SERPINB11: variants seen among roughly 807,000 people sequenced by gnomAD.
SERPINB11 encodes serpin family B member 11.
In SERPINB11, 32 loss-of-function variants were observed where a neutral mutation model predicts 36.7. That is an observed-to-expected ratio of 0.87 (90% CI 0.66 to 1.17). The LOEUF (loss-of-function observed/expected upper bound fraction) is 1.17. SERPINB11 is among the 50% of genes most tolerant of loss of function. The pLI is 0.00. For missense variants in SERPINB11, 528 were observed against 458.4 expected (o/e 1.15, Z -1.39); for synonymous variants, 174 against 168.1 (o/e 1.04, Z -0.27).
At position 63,712,600 on chromosome 18, in the gene SERPINB11, T is replaced by A. The variant is rs757364574; in HGVS notation, c.264T>A (p.Gly88=). ...CTGGAAGAATTCATTCCGAGTTTGGTGTCGAATTCTCTCAAATCAACCAGC... is the reference window on the plus strand; with the variant it reads ...CTGGAAGAATTCATTCCGAGTTTGGAGTCGAATTCTCTCAAATCAACCAGC... The part of the protein sequence containing the change: ...SQAGRIHSEF[G]VEFSQINQPD... Residue 88 remains glycine (G), a synonymous_variant, in exon 4 of 8, where the codon GGT becomes GGA. Coordinates refer to ENST00000544088, the MANE Select transcript of SERPINB11 (RefSeq NM_001370475.1). 6.2e-7 allele frequency: 1 copy of A among 1,613,700 alleles called. No individual in the cohort carries two copies. The highest frequency in any genetic ancestry group is 8.5e-7 in the Non-Finnish European group (1 of 1,179,674).
chr18:63,721,003 G>T lies in SERPINB11; in HGVS notation c.774+17G>T. ...CTGAAACAGGTAAAATTATAAGAAT[G>T]CTATAATGCAGTTAAAGCATGTGTG... On this transcript the variant is annotated intron_variant, in intron 7 of 7. Transcript: ENST00000544088. 6.3e-7 allele frequency: 1 copy of T among 1,595,346 alleles called. No individual in the cohort carries two copies. The highest frequency in any genetic ancestry group is 8.6e-7 in the Non-Finnish European group (1 of 1,169,168).
chr18:63,721,405 C>A (rs2144551491), intron 7 of SERPINB11, among the ~76,000 whole-genome samples: 1 of 152,326 alleles, frequency 6.6e-6, no homozygotes, highest in South Asian at 2.1e-4. Context: ...CCATTTTTAA[C>A]ATCTCAGTTT....
rs1279370581 is a variant in SERPINB11 at position 63,706,227 on chromosome 18, A to G, written c.-16+3221A>G. ...GATTACAGGATTTGTGAATTTTCCT[A>G]TATAAATGTCATGGGTCATTATTTT... On this transcript the variant is annotated intron_variant, in intron 1 of 7. Transcript: ENST00000544088. 3.3e-5 allele frequency among the ~76,000 whole-genome samples: 5 copies of G among 152,220 alleles called. No homozygotes were observed. In the East Asian group the frequency reaches 9.6e-4, roughly 29 times the overall value.
At position 63,710,171 on chromosome 18, in the gene SERPINB11, G is replaced by C. The variant is rs367562916; in HGVS notation, c.-15-8G>C. The C allele has an allele frequency of 6.2e-5, 98 of 1,591,112 alleles. No homozygotes were observed. Among genetic ancestry groups the C allele is most frequent in the Non-Finnish European group, 8.2e-5 (96 of 1,169,284 alleles). ...ATGTTCTGAGAATTTTTTCCCTTCT[G>C]TTCTCAGGCAGTCGGCATAAAAATG... On this transcript the variant is annotated splice_polypyrimidine_tract_variant and splice_region_variant and intron_variant, in intron 1 of 7. Transcript: ENST00000544088.
At chr18:63,709,504 G>C (rs888648966) in intron 1 of SERPINB11, among the ~76,000 whole-genome samples, 3 of 151,928 alleles carry the variant, frequency 2.0e-5, no homozygotes, top group African/African-American at 7.2e-5. Flanking sequence ...CCAGCTACTC[G>C]GGAGGCTGAG....
chr18:63,722,261 G>A (rs17071604), intron 7 of SERPINB11, among the ~76,000 whole-genome samples: 56,735 of 152,126 alleles, frequency 0.37, 11,474 homozygotes, highest in East Asian at 0.63. Context: ...GGCAGTAGTT[G>A]TCAAAACTGT....
chr18:63,708,741 G>A (rs7235427), intron 1 of SERPINB11, among the ~76,000 whole-genome samples: 30,759 of 152,006 alleles, frequency 0.2, 4,116 homozygotes, highest in East Asian at 0.4. Flanking sequence ...GCATAAATGT[G>A]GGAGCTAATA....
intron 5 of SERPINB11, among the ~76,000 whole-genome samples, chr18:63,716,494 A>G (rs886119667): frequency 7.2e-5 from 11 of 152,300 alleles, no homozygotes; most frequent in South Asian, 4.2e-4. Context: ...GAAAAATTTA[A>G]GGATATACAA....
chr18:63,707,350 A>G, intron 1 of SERPINB11, among the ~76,000 whole-genome samples: 1 of 152,190 alleles, frequency 6.6e-6, no homozygotes, highest in Admixed American at 6.5e-5. Flanking sequence ...AGGTGACATG[A>G]AGACCCAACT....
intron 7 of SERPINB11, among the ~76,000 whole-genome samples, chr18:63,721,531 C>T (rs1914813202): frequency 6.6e-6 from 1 of 152,234 alleles, no homozygotes; most frequent in Non-Finnish European, 1.5e-5. Flanking sequence ...GCAGGCTGTG[C>T]TTCTAACAGC....
intron 4 of SERPINB11, among the ~76,000 whole-genome samples, chr18:63,713,185 G>A (rs926379994): frequency 1.3e-5 from 2 of 152,092 alleles, no homozygotes; most frequent in African/African-American, 4.8e-5. Flanking sequence ...CACCATTTAT[G>A]CCCTTTCCCA....
intron 4 of SERPINB11, among the ~76,000 whole-genome samples, 200 bp downstream of exon 4, chr18:63,712,893 C>T (rs904952943): frequency 1.3e-5 from 2 of 152,176 alleles, no homozygotes; most frequent in Non-Finnish European, 2.9e-5. Flanking sequence ...ATGACTTCTT[C>T]AAGATCCCTA....
rs1914463525 is a variant in SERPINB11 at position 63,709,616 on chromosome 18, T to TATAAAATAAAATAAAATAAAATA, written c.-15-562_-15-561insTAAAATAAAATAAAATAAAATAA. On this transcript the variant is annotated intron_variant, in intron 1 of 7. Transcript: ENST00000544088. Reference sequence around the variant, plus strand: ...ACAGAGCGAGATTCTGTCTCAAAAATAAATAAAATAAAATAAAATAAAATA... The same window carrying TATAAAATAAAATAAAATAAAATA: ...ACAGAGCGAGATTCTGTCTCAAAAATATAAAATAAAATAAAATAAAATAAAATAAAATAAAATAAAATAAAATA... 2.1e-5 allele frequency among the ~76,000 whole-genome samples: 3 copies of TATAAAATAAAATAAAATAAAATA among 143,450 alleles called. No homozygotes were observed. In the South Asian group the frequency reaches 6.7e-4, roughly 32 times the overall value. The allele number at this position is 143,450 out of a possible 152,430, so 94.1% of individuals were successfully genotyped here. A position where few individuals can be genotyped will look rare whatever the true frequency, so the allele number is the denominator to read the frequency against.
At chr18:63,714,391 G>A (rs532724402) in intron 4 of SERPINB11, among the ~76,000 whole-genome samples, 129 of 152,250 alleles carry the variant, frequency 8.5e-4, no homozygotes, top group African/African-American at 3.1e-3. Flanking sequence ...TATCTTATCA[G>A]GAGGCAGGGT....
At position 63,711,277 on chromosome 18, in the gene SERPINB11, C is replaced by T. The variant is rs1011691054; in HGVS notation, c.169-58C>T. ...AAAAATAGATACTTACAACTGTCAA[C>T]CTTTATAGACTGTACATTGCTTCTG... is the stretch of plus-strand genomic sequence containing the variant. On this transcript the variant is annotated intron_variant, in intron 2 of 7. Coordinates refer to ENST00000544088, the MANE Select transcript of SERPINB11 (RefSeq NM_001370475.1). 3.2e-5 allele frequency: 38 copies of T among 1,171,218 alleles called. No individual in the cohort carries two copies. In the African/African-American group the frequency reaches 4.9e-4, roughly 15 times the overall value. The allele number at this position is 1,171,218 out of a possible 1,614,324, so 72.6% of individuals were successfully genotyped here.
At chr18:63,710,789 T>C (rs969728601) in intron 2 of SERPINB11, among the ~76,000 whole-genome samples, 3 of 152,244 alleles carry the variant, frequency 2.0e-5, no homozygotes, top group African/African-American at 7.2e-5. Flanking sequence ...ATCCACACTT[T>C]ATGGATTGAA....
chr18:63,722,953 T>C, intron 7 of SERPINB11, 42 bp from the exon 8 acceptor site: 1 of 1,501,366 alleles, frequency 6.7e-7, no homozygotes, highest in Non-Finnish European at 8.9e-7. Context: ...GTAGAGGTCG[T>C]GTGTTTGACT....
At chr18:63,710,461 C>T in intron 2 of SERPINB11, 100 bp downstream of exon 2, 2 of 940,732 alleles carry the variant, frequency 2.1e-6, no homozygotes, top group Non-Finnish European at 3.1e-6. Context: ...ATAAAATTGC[C>T]ATCTTGAGAG....
intron 1 of SERPINB11, among the ~76,000 whole-genome samples, chr18:63,709,302 C>T (rs956497306): frequency 2.0e-5 from 3 of 152,040 alleles, no homozygotes; most frequent in Admixed American, 6.6e-5. Flanking sequence ...GAATGAGGTC[C>T]CACTGAGGAG....
Sources: gnomAD v4.1 joint callset for allele counts (sites outside exome capture counted in the v4.1 genomes callset) on GRCh38, gnomAD v4.1.1 for gene constraint, MANE v1.5 for transcripts, NCBI Gene and HGNC (gene_info 2026-07-23, HGNC 2026-07-21) for gene names.